The following ARHGAP17 variants were observed in gnomAD, a reference collection of about 807,000 sequenced individuals.
ARHGAP17 encodes rho GTPase-activating protein 17.
ARHGAP17 carries 57 observed loss-of-function variants against 99.5 expected under a neutral mutation model. That is an observed-to-expected ratio of 0.57 (90% confidence interval 0.46 to 0.71). The LOEUF is 0.71. ARHGAP17 is among the 30% of genes least tolerant of loss of function. The pLI is 0.00. For synonymous variants in ARHGAP17, 417 were observed against 429.6 expected (o/e 0.97, Z 0.36); for missense variants, 1,000 against 1,122.4 (o/e 0.89, Z 1.56).
At chr16:24,935,853 TAA>T (rs2051126296) in intron 17 of ARHGAP17, 2 of 575,132 alleles carry the variant, frequency 3.5e-6, no homozygotes, top group East Asian at 3.2e-5. Context: ...ATTTTTTTTT[TAA>T]GAGATGAGGT....
chr16:24,929,190 A>G (rs965155055), intron 19 of ARHGAP17, among the ~76,000 whole-genome samples: 2 of 149,248 alleles, frequency 1.3e-5, no homozygotes, highest in African/African-American at 5.0e-5. Flanking sequence ...GCAGGGTCTC[A>G]CTCTGTCATG....
chr16:25,008,916 A>T (rs1187242378), intron 1 of ARHGAP17, among the ~76,000 whole-genome samples: 1 of 152,246 alleles, frequency 6.6e-6, no homozygotes, highest in Non-Finnish European at 1.5e-5. Flanking sequence ...TAAACTACAT[A>T]ATAAGGCCAT....
chr16:24,972,680 C>T (rs2052401005), intron 3 of ARHGAP17: 1 of 152,168 alleles, frequency 6.6e-6, no homozygotes, highest in Non-Finnish European at 1.5e-5. Context: ...TTGTGCAACT[C>T]TGGAACTCTA....
At chr16:24,996,967 A>G (rs2053211236) in intron 1 of ARHGAP17, among the ~76,000 whole-genome samples, 2 of 152,184 alleles carry the variant, frequency 1.3e-5, no homozygotes, top group African/African-American at 4.8e-5. Flanking sequence ...ATCATGTCAC[A>G]CAAGTTACTC....
intron 1 of ARHGAP17, among the ~76,000 whole-genome samples, chr16:25,000,162 T>C (rs2053320635): frequency 6.6e-6 from 1 of 152,212 alleles, no homozygotes; most frequent in Non-Finnish European, 1.5e-5. Context: ...CAGTTTTACG[T>C]TGATTAAGCC....
intron 17 of ARHGAP17, among the ~76,000 whole-genome samples, chr16:24,937,339 T>A (rs922606327): frequency 6.6e-6 from 1 of 151,800 alleles, no homozygotes; most frequent in Non-Finnish European, 1.5e-5. Context: ...GGAGAATCAT[T>A]TGAACCCAGG....
intron 7 of ARHGAP17, among the ~76,000 whole-genome samples, chr16:24,961,518 A>ATTTTTTTT (rs1171754361): frequency 3.7e-5 from 3 of 81,498 alleles, no homozygotes; most frequent in Admixed American, 1.4e-4. Flanking sequence ...AAAAAAAAAA[A>ATTTTTTTT]TTTTTTTTTT....
At chr16:24,986,658 C>G (rs1049408104) in intron 1 of ARHGAP17, among the ~76,000 whole-genome samples, 1 of 152,184 alleles carries the variant, frequency 6.6e-6, no homozygotes, top group African/African-American at 2.4e-5. Flanking sequence ...ACCGTATGAC[C>G]TGCAGAGCTC....
At chr16:24,991,494 CAGAGTT>C (rs1487869717) in intron 1 of ARHGAP17, among the ~76,000 whole-genome samples, 4 of 152,164 alleles carry the variant, frequency 2.6e-5, no homozygotes, top group African/African-American at 9.7e-5. Flanking sequence ...AAAAGCTAGT[CAGAGTT>C]AGAGCAGGAG....
At chr16:24,959,570 T>A in intron 9 of ARHGAP17, 101 bp downstream of exon 9, 2 of 1,121,060 alleles carry the variant, frequency 1.8e-6, no homozygotes, top group Non-Finnish European at 2.6e-6. Flanking sequence ...AGAGAAGCTT[T>A]ATCCCAAGGA....
chr16:24,920,169 C>T lies in ARHGAP17; in HGVS notation c.2607G>A (p.Leu869=). The T allele has an allele frequency of 1.2e-6, 2 of 1,614,148 alleles. No homozygotes were observed. The highest frequency in any genetic ancestry group is 1.7e-6 in the Non-Finnish European group (2 of 1,180,016). Residue 869 remains leucine (L), a synonymous_variant, in exon 20 of 20, where the codon CTG becomes CTA. Transcript: ENST00000289968. ...TCTCGGTATCATTGTCTATATCCAGCAGGATGCGGCCAGGCACGTCTTTGC... is the reference window on the plus strand; with the variant it reads ...TCTCGGTATCATTGTCTATATCCAGTAGGATGCGGCCAGGCACGTCTTTGC... ...SASKDVPGRI[L]LDIDNDTEST...
At chr16:24,932,452 T>C (rs1026948883) in intron 18 of ARHGAP17, among the ~76,000 whole-genome samples, 6 of 151,826 alleles carry the variant, frequency 4.0e-5, no homozygotes, top group Admixed American at 1.3e-4. Flanking sequence ...TAGGGCCCCA[T>C]GGGAAGACGC....
At chr16:24,933,613 T>A (rs956494655) in intron 18 of ARHGAP17, among the ~76,000 whole-genome samples, 1 of 152,088 alleles carries the variant, frequency 6.6e-6, no homozygotes, top group South Asian at 2.1e-4. Context: ...CAGACTGCCA[T>A]CGGCATTTAA....
At chr16:24,932,440 A>C (rs969797942) in intron 18 of ARHGAP17, among the ~76,000 whole-genome samples, 3 of 152,100 alleles carry the variant, frequency 2.0e-5, no homozygotes, top group Non-Finnish European at 4.4e-5. Context: ...CAGCCTCCTC[A>C]TTAGGGCCCC....
At chr16:24,959,564 A>C (rs2051919192) in intron 9 of ARHGAP17, 107 bp downstream of exon 9, 3 of 1,045,462 alleles carry the variant, frequency 2.9e-6, no homozygotes, top group Admixed American at 2.6e-5. Flanking sequence ...CTAGGCAGAG[A>C]AGCTTTATCC....
intron 18 of ARHGAP17, among the ~76,000 whole-genome samples, chr16:24,931,681 G>A (rs940282370): frequency 6.6e-6 from 1 of 152,178 alleles, no homozygotes; most frequent in African/African-American, 2.4e-5. Flanking sequence ...ACAGAAAGAC[G>A]GAGAACATGT....
chr16:25,015,148 C>T, intron 1 of ARHGAP17, 61 bp downstream of exon 1: 1 of 1,212,008 alleles, frequency 8.3e-7, no homozygotes, highest in Non-Finnish European at 1.0e-6. Context: ...GTCCCGCCCC[C>T]GCGCCCTCCG....
chr16:24,962,201 G>A (rs1424321851), intron 7 of ARHGAP17, among the ~76,000 whole-genome samples: 2 of 152,010 alleles, frequency 1.3e-5, no homozygotes, highest in East Asian at 1.9e-4. Context: ...GAAAGAAAAA[G>A]TCGGAATGCT....
At chr16:24,931,549 A>C (rs1005629467) in intron 18 of ARHGAP17, 145 bp from the exon 19 acceptor site, 1 of 760,388 alleles carries the variant, frequency 1.3e-6, no homozygotes, top group Non-Finnish European at 1.9e-6. Flanking sequence ...AGGGCACCAC[A>C]CTGTGTCTTC....
Sources: gnomAD v4.1 joint callset for allele counts (sites outside exome capture counted in the v4.1 genomes callset) on GRCh38, gnomAD v4.1.1 for gene constraint, MANE v1.5 for transcripts, NCBI Gene and HGNC (gene_info 2026-07-23, HGNC 2026-07-21) for gene names.